Variants in ARL13B observed in about 807,000 individuals in gnomAD.
The protein encoded by ARL13B is ADP-ribosylation factor-like protein 13B.
In ARL13B, 36 loss-of-function variants were observed where a neutral mutation model predicts 56.1. The observed-to-expected ratio is 0.64, with a 90% CI of 0.49 to 0.85. ARL13B has a LOEUF of 0.85. Ranked by LOEUF, ARL13B falls within the 40% of genes least tolerant of loss-of-function variation. The pLI is 0.00. For synonymous variants in ARL13B, 178 were observed against 171.1 expected (o/e 1.04, Z -0.32); for missense variants, 519 against 507.1 (o/e 1.02, Z -0.23).
rs1039599307 is a variant in ARL13B at position 94,053,551 on chromosome 3, T to C, written c.*288T>C. On this transcript the variant is annotated 3_prime_UTR_variant, in exon 10 of 10. Coordinates refer to ENST00000394222, the MANE Select transcript of ARL13B (RefSeq NM_001174150.2). ...TATACATCCCCACTCATGAGCATAC[T>C]TCTGAAGGAAAACTTTACAAAAAGA... is the stretch of plus-strand genomic sequence containing the variant. 3.4e-5 allele frequency: 19 copies of C among 553,976 alleles called. No individual in the cohort carries two copies. Among genetic ancestry groups the C allele is most frequent in the African/African-American group, 3.3e-4 (18 of 53,746 alleles). The allele number at this position is 553,976 out of a possible 1,614,324, so 34.3% of individuals were successfully genotyped here. A position where few individuals can be genotyped will look rare whatever the true frequency, so the allele number is the denominator to read the frequency against.
At chr3:94,042,368 A>G (rs966778327) in intron 6 of ARL13B, among the ~76,000 whole-genome samples, 2 of 152,234 alleles carry the variant, frequency 1.3e-5, no homozygotes, top group African/African-American at 4.8e-5. Flanking sequence ...AAAAAATTAA[A>G]AAAAAGCTAT....
chr3:94,010,826 G>A (rs2076212499), intron 3 of ARL13B, among the ~76,000 whole-genome samples: 1 of 151,790 alleles, frequency 6.6e-6, no homozygotes, highest in African/African-American at 2.4e-5. Context: ...AATTCATCTG[G>A]ATATAATTGT....
At chr3:94,031,334 C>T (rs1410704601) in intron 3 of ARL13B, among the ~76,000 whole-genome samples, 1 of 151,692 alleles carries the variant, frequency 6.6e-6, no homozygotes, top group African/African-American at 2.4e-5. Flanking sequence ...ACTGAAAGGG[C>T]CTAGAAGCAG....
At chr3:94,011,965 A>G (rs769178372) in intron 3 of ARL13B, among the ~76,000 whole-genome samples, 2 of 152,064 alleles carry the variant, frequency 1.3e-5, no homozygotes, top group Non-Finnish European at 2.9e-5. Flanking sequence ...TTGTGCTGCC[A>G]AATCTATTGT....
intron 3 of ARL13B, among the ~76,000 whole-genome samples, chr3:94,005,300 A>G (rs1165035208): frequency 6.6e-6 from 1 of 152,212 alleles, no homozygotes; most frequent in Non-Finnish European, 1.5e-5. Context: ...GTGTATTGAA[A>G]ACAAACAAGT....
chr3:94,050,734 A>G, intron 8 of ARL13B, 90 bp from the exon 9 acceptor site: 2 of 1,060,542 alleles, frequency 1.9e-6, no homozygotes, highest in South Asian at 1.3e-5. Context: ...TGAATGTTAC[A>G]TATGCTTCCT....
intron 3 of ARL13B, among the ~76,000 whole-genome samples, chr3:94,029,356 T>TTC (rs1559997987): frequency 7.4e-6 from 1 of 135,350 alleles, no homozygotes; most frequent in Non-Finnish European, 1.6e-5. Flanking sequence ...TTTATTTTTT[T>TTC]TTTTTTTTGA....
intron 3 of ARL13B, among the ~76,000 whole-genome samples, chr3:94,010,918 AG>A (rs2076214062): frequency 6.6e-6 from 1 of 152,084 alleles, no homozygotes; most frequent in African/African-American, 2.4e-5. Flanking sequence ...GGTATCACTA[AG>A]GCTGTAGAAA....
At chr3:93,997,289 G>A (rs950061600) in intron 2 of ARL13B, among the ~76,000 whole-genome samples, 1 of 152,092 alleles carries the variant, frequency 6.6e-6, no homozygotes, top group Non-Finnish European at 1.5e-5. Flanking sequence ...CCCTGGTGCT[G>A]CTGATCTAAA....
chr3:94,007,218 G>C (rs989199299), intron 3 of ARL13B, among the ~76,000 whole-genome samples: 1 of 152,090 alleles, frequency 6.6e-6, no homozygotes, highest in Non-Finnish European at 1.5e-5. Context: ...TTAATAGAAG[G>C]AAATAAACCT....
intron 7 of ARL13B, among the ~76,000 whole-genome samples, chr3:94,045,969 A>AAAAAAAG (rs2076976947): frequency 2.5e-5 from 3 of 118,192 alleles, no homozygotes; most frequent in Admixed American, 9.6e-5. Flanking sequence ...AAAAAAAAAG[A>AAAAAAAG]AAAAAAAAAG....
rs1270652713 is a variant in ARL13B, at chr3:94,049,418, A to G, written c.1037A>G (p.Lys346Arg). 6.2e-7 allele frequency: 1 copy of G among 1,600,820 alleles called. No homozygotes were observed. Among genetic ancestry groups the G allele is most frequent in the Non-Finnish European group, 8.5e-7 (1 of 1,171,426 alleles). ...RPSLESANGK[K>R]KTKKLRMKRN... ...TATATTCTTGTAGCTAATGGTAAAA[A>G]GAAAACTAAGAAACTAAGAATGAAA... Residue 346 changes from lysine (K) to arginine (R), a missense_variant, in exon 8 of 10, where the codon AAG (lysine) becomes AGG (arginine). Lys to Arg is a conservative substitution (Grantham distance 26). Coordinates refer to ENST00000394222, the MANE Select transcript of ARL13B (RefSeq NM_001174150.2).
In ARL13B at chr3:93,980,451, G is replaced by A. The variant is rs760197719; in HGVS notation, c.28G>A (p.Gly10Ser). The A allele has an allele frequency of 6.2e-7, 1 of 1,612,610 alleles. No individual in the cohort carries two copies. Among genetic ancestry groups the A allele is most frequent in the South Asian group, 1.1e-5 (1 of 91,090 alleles). Residue 10 changes from glycine (G) to serine (S), a missense_variant, in exon 1 of 10, where the codon GGC (glycine) becomes AGC (serine). Physicochemically the swap from Gly to Ser is moderately conservative, Grantham distance 56 (BLOSUM62 0). Transcript: ENST00000394222. MFSLMASCC[G>S]WFKRWREPVR... ...GTTCAGTCTGATGGCCAGTTGCTGC[G>A]GCTGGTTCAAGCGGTGGCGGGAGCC...
chr3:94,037,077 T>G (rs2076782218), intron 5 of ARL13B, among the ~76,000 whole-genome samples: 1 of 152,158 alleles, frequency 6.6e-6, no homozygotes, highest in African/African-American at 2.4e-5. Flanking sequence ...TTTGGCAGTG[T>G]CTGGAGACAT....
intron 1 of ARL13B, chr3:93,988,950 G>C: frequency 6.8e-6 from 2 of 296,176 alleles, no homozygotes; most frequent in South Asian, 6.1e-5. Flanking sequence ...TGGGCATCTT[G>C]GCGGCAGGAG....
At chr3:94,033,566 G>A (rs896010396) in intron 3 of ARL13B, among the ~76,000 whole-genome samples, 1 of 152,006 alleles carries the variant, frequency 6.6e-6, no homozygotes, top group Admixed American at 6.6e-5. Context: ...AATGCAGAAG[G>A]AATATGGAAC....
chr3:93,980,568 T>TG (rs1048716224), intron 1 of ARL13B, 86 bp downstream of exon 1: 1 of 1,540,212 alleles, frequency 6.5e-7, no homozygotes, highest in Non-Finnish European at 8.9e-7. Flanking sequence ...TCCCCGCGCC[T>TG]GGACGAGTCT....
chr3:93,992,891 T>G (rs2107367067), intron 1 of ARL13B, among the ~76,000 whole-genome samples: 1 of 151,972 alleles, frequency 6.6e-6, no homozygotes, highest in East Asian at 1.9e-4. Flanking sequence ...CCTCCCAGGT[T>G]CAATCGATTC....
intron 3 of ARL13B, among the ~76,000 whole-genome samples, chr3:94,026,625 G>A (rs1000754263): frequency 3.9e-5 from 6 of 152,100 alleles, no homozygotes; most frequent in African/African-American, 1.2e-4. Context: ...GCAAGGACAG[G>A]ATTCATATAA....
Sources: allele counts gnomAD v4.1 joint callset (sites outside exome capture counted in the v4.1 genomes callset), GRCh38; gene constraint gnomAD v4.1.1; transcripts MANE v1.5; gene names NCBI Gene and HGNC (gene_info 2026-07-23, HGNC 2026-07-21).